MBTD1: variants seen among roughly 807,000 people sequenced by gnomAD.
MBTD1 encodes MBT domain-containing protein 1.
In MBTD1, 24 loss-of-function variants were observed where a neutral mutation model predicts 87.8. That is an observed-to-expected ratio of 0.27 (90% CI 0.20 to 0.38). MBTD1 has a LOEUF of 0.38. Ranked by LOEUF, MBTD1 falls within the 10% of genes least tolerant of loss-of-function variation. MBTD1 has a pLI of 1.00. For missense variants in MBTD1, 436 were observed against 760.2 expected, an observed-to-expected ratio of 0.57 and a Z score of 5.02; for synonymous variants, 237 against 248.6, an observed-to-expected ratio of 0.95 and a Z score of 0.44.
upstream of MBTD1, chr17:51,260,756 G>T (rs771527473): frequency 6.3e-7 from 1 of 1,582,010 alleles, no homozygotes; most frequent in Non-Finnish European, 8.6e-7. Context: ...GAGCGCGGCG[G>T]CCGCTGCGAT....
intron 2 of MBTD1, among the ~76,000 whole-genome samples, chr17:51,243,481 A>G (rs1483360084): frequency 6.6e-6 from 1 of 152,204 alleles, no homozygotes; most frequent in African/African-American, 2.4e-5. Flanking sequence ...AAATAATTCA[A>G]TGTGCATTTC....
At chr17:51,199,187 G>A (rs1340084130) in intron 12 of MBTD1, among the ~76,000 whole-genome samples, 1 of 151,498 alleles carries the variant, frequency 6.6e-6, no homozygotes, top group Admixed American at 6.6e-5. Flanking sequence ...CAACCTCTGT[G>A]TCTTGGGTTC....
chr17:51,260,659 G>A (rs1408918240), upstream of MBTD1: 3 of 1,612,188 alleles, frequency 1.9e-6, no homozygotes, highest in East Asian at 2.2e-5. Context: ...AGCCCGGAAT[G>A]AGGCCGGACT....
Position 51,216,227 on chromosome 17 carries a change from C to T in MBTD1, c.486+1107G>A, listed in dbSNP as rs915745758. Among the ~76,000 whole-genome samples the T allele has an allele frequency of 2.6e-5, 4 of 152,212 alleles. No individual in the cohort carries two copies. The East Asian group carries it at 5.8e-4, about 22-fold the overall frequency. ...GATTACAGGCGTGAGCCACCGTGCC[C>T]GGCCTAGAGCCCTAAGTTAACAAAA... On this transcript the variant is annotated intron_variant, in intron 6 of 16. Transcript: ENST00000586178.
At chr17:51,184,577 T>C (rs1019799166) in intron 16 of MBTD1, 7 of 152,208 alleles carry the variant, frequency 4.6e-5, no homozygotes, top group African/African-American at 1.7e-4. Context: ...GGAAGTCACA[T>C]AGGATGCCAG....
At chr17:51,202,280 G>A (rs2051535889) in intron 10 of MBTD1, among the ~76,000 whole-genome samples, 1 of 152,040 alleles carries the variant, frequency 6.6e-6, no homozygotes, top group Non-Finnish European at 1.5e-5. Context: ...AATACATTCA[G>A]CCAATTTTAA....
rs2050209393 is a variant in MBTD1 at position 51,179,490 on chromosome 17, A to ATATATATATATATATATATTTT, written c.*1085_*1086insAAAATATATATATATATATATA. 4.2e-5 allele frequency: 1 copy of ATATATATATATATATATATTTT among 23,548 alleles called. No homozygotes were observed. The highest frequency in any genetic ancestry group is 9.0e-5 in the Non-Finnish European group (1 of 11,156). 1.5% of individuals were successfully genotyped at this position (23,548 alleles called of 1,614,324 possible). On this transcript the variant is annotated 3_prime_UTR_variant, in exon 17 of 17. Transcript: ENST00000586178. ...AATACAATTAAAGACAATTTTATATATATATATATATATATATATATATAT... is the reference window on the plus strand; with the variant it reads ...AATACAATTAAAGACAATTTTATATATATATATATATATATATATTTTTATATATATATATATATATATATAT...
intron 12 of MBTD1, among the ~76,000 whole-genome samples, chr17:51,196,443 C>T (rs1229301388): frequency 6.6e-6 from 1 of 151,856 alleles, no homozygotes; most frequent in Admixed American, 6.6e-5. Context: ...AGGCTGGTCT[C>T]GAACTCCTGA....
At chr17:51,240,327 G>C (rs1469452640) in intron 2 of MBTD1, among the ~76,000 whole-genome samples, 3 of 152,062 alleles carry the variant, frequency 2.0e-5, no homozygotes, top group South Asian at 2.1e-4. Context: ...CATTTTTACT[G>C]TTCTTTTCTC....
At position 51,244,417 on chromosome 17, in the gene MBTD1, G is replaced by A. The variant is rs571754057; in HGVS notation, c.-49+14726C>T. ...CAATGATGTCCCTGAACTGGTTCTT[G>A]TGTCCTCTTTTTTTTCCTGAGACAG... On this transcript the variant is annotated intron_variant, in intron 2 of 16. Coordinates refer to ENST00000586178, the MANE Select transcript of MBTD1 (RefSeq NM_017643.3). 1.3e-4 allele frequency among the ~76,000 whole-genome samples: 20 copies of A among 152,174 alleles called. 2 individuals carry two copies. The South Asian group carries it at 2.3e-3, about 17-fold the overall frequency.
At position 51,180,398 on chromosome 17, in the gene MBTD1, T is replaced by TACC; in HGVS notation, c.*177_*178insGGT. 2 of 146,326 alleles carry TACC rather than the reference T, an allele frequency of 1.4e-5. No homozygotes were observed. Among genetic ancestry groups the TACC allele is most frequent in the Non-Finnish European group, 1.5e-5 (1 of 68,348 alleles). 9.1% of individuals were successfully genotyped at this position (146,326 alleles called of 1,614,324 possible). A position where few individuals can be genotyped will look rare whatever the true frequency, so the allele number is the denominator to read the frequency against. On this transcript the variant is annotated 3_prime_UTR_variant, in exon 17 of 17. Transcript: ENST00000586178. Reference sequence around the variant, plus strand: ...TGTCCATCTTTATAAATTGAAAATTTCCCACCCCCCTGCCCCCCCGACTAA... The same window carrying TACC: ...TGTCCATCTTTATAAATTGAAAATTTACCCCCACCCCCCTGCCCCCCCGACTAA...
chr17:51,191,260 C>CT (rs10545166), intron 16 of MBTD1, among the ~76,000 whole-genome samples: 6,015 of 136,522 alleles, frequency 0.044, 214 homozygotes, highest in African/African-American at 0.074. Context: ...GAAAGAATTT[C>CT]TTTTTTTTTT....
At chr17:51,240,823 T>C (rs1035077673) in intron 2 of MBTD1, among the ~76,000 whole-genome samples, 4 of 152,194 alleles carry the variant, frequency 2.6e-5, no homozygotes, top group South Asian at 2.1e-4. Context: ...AATTCTTCTG[T>C]ATAGATTTCC....
intron 6 of MBTD1, among the ~76,000 whole-genome samples, chr17:51,208,438 T>C (rs934417510): frequency 2.6e-5 from 4 of 152,236 alleles, no homozygotes; most frequent in African/African-American, 9.6e-5. Flanking sequence ...GGTTCTGCTA[T>C]CTTTCCCCTA....
At chr17:51,185,576 T>A (rs948217849) in intron 16 of MBTD1, 5 of 152,230 alleles carry the variant, frequency 3.3e-5, no homozygotes, top group Admixed American at 6.5e-5. Context: ...CTGCCACAAC[T>A]AAAATTAAAC....
chr17:51,260,787 AAG>A (rs1208968786), upstream of MBTD1: 1 of 1,579,136 alleles, frequency 6.3e-7, no homozygotes, highest in South Asian at 1.1e-5. Flanking sequence ...GCGGCGGAGG[AAG>A]AGAGACGGCT....
chr17:51,254,517 G>A (rs2054971159), intron 2 of MBTD1, among the ~76,000 whole-genome samples: 1 of 152,108 alleles, frequency 6.6e-6, no homozygotes, highest in Non-Finnish European at 1.5e-5. Flanking sequence ...GATAGGAGAG[G>A]ACAATATTCT....
chr17:51,250,610 C>T (rs561004084), intron 2 of MBTD1: 26 of 152,274 alleles, frequency 1.7e-4, no homozygotes, highest in African/African-American at 5.8e-4. Context: ...ATTCTCTTGC[C>T]TCTATGTCAC....
chr17:51,241,201 T>C (rs1181548490), intron 2 of MBTD1, among the ~76,000 whole-genome samples: 1 of 152,192 alleles, frequency 6.6e-6, no homozygotes, highest in East Asian at 1.9e-4. Flanking sequence ...CTCAAACTCC[T>C]GGCCTCATGT....
Sources: allele counts gnomAD v4.1 joint callset (sites outside exome capture counted in the v4.1 genomes callset), GRCh38; gene constraint gnomAD v4.1.1; transcripts MANE v1.5; gene names NCBI Gene and HGNC (gene_info 2026-07-23, HGNC 2026-07-21).